GNPAT: variants seen among roughly 807,000 people sequenced by gnomAD.
GNPAT encodes the protein dihydroxyacetone phosphate acyltransferase.
GNPAT carries 30 observed loss-of-function variants against 78.4 expected under a neutral mutation model. That is an observed-to-expected ratio of 0.38 (90% CI 0.29 to 0.52). The LOEUF (loss-of-function observed/expected upper bound fraction) is 0.52, where lower values mean the gene tolerates loss of function less well. Among genes scored for constraint, GNPAT ranks in the 20% least tolerant of loss-of-function variants. The pLI is 0.84. For synonymous variants in GNPAT, 271 were observed against 281.1 expected (o/e 0.96, Z 0.36); for missense variants, 714 against 812.2 (o/e 0.88, Z 1.47).
At position 231,274,004 on chromosome 1, in the gene GNPAT, G is replaced by A. The variant is rs756735677; in HGVS notation, c.1685G>A (p.Gly562Glu). 3.7e-6 allele frequency: 6 copies of A among 1,611,638 alleles called. No individual in the cohort carries two copies. In the Admixed American group the frequency reaches 5.0e-5, roughly 13 times the overall value. ...TTKDILVTEKGNTVLEFLVGL... is the reference protein window; with the variant it reads ...TTKDILVTEKENTVLEFLVGL... ...AAAGACATCCTAGTTACAGAGAAAGGAAATACTGTGTTAGAATTTTTAGTA... is the reference window on the plus strand; with the variant it reads ...AAAGACATCCTAGTTACAGAGAAAGAAAATACTGTGTTAGAATTTTTAGTA... The change falls in exon 12 of 16, where the codon GGA (glycine) becomes GAA (glutamate). Residue 562 changes from glycine (G) to glutamate (E), a missense_variant. Physicochemically the swap from Gly to Glu is moderately conservative, Grantham distance 98 (BLOSUM62 -2). Coordinates refer to ENST00000366647, the MANE Select transcript of GNPAT (RefSeq NM_014236.4).
chr1:231,265,643 T>C, intron 5 of GNPAT, 69 bp from the exon 6 acceptor site: 2 of 1,011,086 alleles, frequency 2.0e-6, no homozygotes, highest in South Asian at 2.6e-5. Flanking sequence ...GGAAAAGGAA[T>C]CAAAAGAAGC....
At chr1:231,243,358 T>C (rs2102794066) in intron 1 of GNPAT, among the ~76,000 whole-genome samples, 1 of 152,316 alleles carries the variant, frequency 6.6e-6, no homozygotes, top group Non-Finnish European at 1.5e-5. Flanking sequence ...ACAGCCTTGC[T>C]CTGTTGCCAG....
Position 231,265,610 on chromosome 1 carries a change from C to T in GNPAT, c.697-102C>T, listed in dbSNP as rs1685359691. The T allele has an allele frequency of 4.4e-6, 4 of 901,224 alleles. No individual in the cohort carries two copies. The South Asian group carries it at 5.4e-5, about 12-fold the overall frequency. The allele number at this position is 901,224 out of a possible 1,614,324, so 55.8% of individuals were successfully genotyped here. A position where few individuals can be genotyped will look rare whatever the true frequency, so the allele number is the denominator to read the frequency against. ...ATTTTCACTGTAAGCTGTGTTTGTT[C>T]AGGAAGCTTGGGAGGGAGCTTGGGA... is the stretch of plus-strand genomic sequence containing the variant. On this transcript the variant is annotated intron_variant, in intron 5 of 15. Transcript: ENST00000366647.
chr1:231,256,483 T>TTTC (rs1392730953), intron 2 of GNPAT, among the ~76,000 whole-genome samples: 1 of 124,726 alleles, frequency 8.0e-6, no homozygotes, highest in Non-Finnish European at 1.6e-5. Flanking sequence ...TTTTCTCTTT[T>TTTC]TTTTTTTTTT....
chr1:231,266,254 C>T (rs769918441), intron 7 of GNPAT, 23 bp from the exon 8 acceptor site: 33 of 1,613,534 alleles, frequency 2.0e-5, no homozygotes, highest in Non-Finnish European at 2.7e-5. Flanking sequence ...CGTTTTCTTC[C>T]CCCCCTGTTA....
chr1:231,247,607 C>G (rs951468299), intron 1 of GNPAT, among the ~76,000 whole-genome samples: 2 of 152,100 alleles, frequency 1.3e-5, no homozygotes, highest in African/African-American at 4.8e-5. Flanking sequence ...TTGTAAATGC[C>G]CCTCTCAATA....
chr1:231,262,690 G>A (rs1164082124), intron 3 of GNPAT, 33 bp from the exon 4 acceptor site: 1 of 1,566,086 alleles, frequency 6.4e-7, no homozygotes, highest in Non-Finnish European at 8.8e-7. Flanking sequence ...CATGACAACT[G>A]AAATTATTCA....
At chr1:231,244,751 CA>C (rs1354981766) in intron 1 of GNPAT, among the ~76,000 whole-genome samples, 1 of 152,140 alleles carries the variant, frequency 6.6e-6, no homozygotes, top group African/African-American at 2.4e-5. Context: ...ATAGATTTTT[CA>C]GCATGTAGGT....
intron 1 of GNPAT, among the ~76,000 whole-genome samples, chr1:231,248,117 C>T (rs1388172523): frequency 1.3e-5 from 2 of 152,074 alleles, no homozygotes; most frequent in East Asian, 1.9e-4. Context: ...TCTGCACAGT[C>T]GAAAATTCAC....
chr1:231,248,075 T>C (rs1054673129), intron 1 of GNPAT, among the ~76,000 whole-genome samples: 1 of 152,174 alleles, frequency 6.6e-6, no homozygotes, highest in Admixed American at 6.5e-5. Flanking sequence ...CAGTTGACCT[T>C]TGAACAACGT....
intron 4 of GNPAT, among the ~76,000 whole-genome samples, chr1:231,263,708 C>G (rs549506789): frequency 9.9e-5 from 15 of 152,248 alleles, no homozygotes; most frequent in African/African-American, 3.6e-4. Context: ...TACATTCCCA[C>G]CAAAAGTGCA....
At chr1:231,268,111 G>A (rs1685442310) in intron 9 of GNPAT, among the ~76,000 whole-genome samples, 1 of 151,990 alleles carries the variant, frequency 6.6e-6, no homozygotes, top group African/African-American at 2.4e-5. Context: ...GACCATCCTG[G>A]CTAACGCGGT....
At chr1:231,247,055 G>A (rs1183720191) in intron 1 of GNPAT, among the ~76,000 whole-genome samples, 1 of 152,090 alleles carries the variant, frequency 6.6e-6, no homozygotes, top group African/African-American at 2.4e-5. Context: ...TGTAGTCCCA[G>A]CCGCTCGGCA....
chr1:231,257,153 C>A (rs1685089322), intron 2 of GNPAT, among the ~76,000 whole-genome samples: 1 of 152,200 alleles, frequency 6.6e-6, no homozygotes, highest in African/African-American at 2.4e-5. Context: ...TCAAGCAAGC[C>A]AGCCTGTTCA....
At position 231,270,870 on chromosome 1, in the gene GNPAT, G is replaced by C. The variant is rs1330415093; in HGVS notation, c.1392G>C (p.Val464=). The C allele has an allele frequency of 6.2e-7, 1 of 1,614,154 alleles. No individual in the cohort carries two copies. The highest frequency in any genetic ancestry group is 8.5e-7 in the Non-Finnish European group (1 of 1,180,014). The change falls in exon 10 of 16, where the codon GTG becomes GTC. Residue 464 remains valine, a synonymous_variant. Coordinates refer to ENST00000366647, the MANE Select transcript of GNPAT (RefSeq NM_014236.4). ...AAGTGGACTCCGGAGACTCGGAAGT[G>C]GTCGATGGGCTTATGCTCCAGCACA... is the stretch of plus-strand genomic sequence containing the variant. ...ILKVDSGDSE[V]VDGLMLQHIT...
chr1:231,255,767 A>C (rs1685037866), intron 2 of GNPAT, among the ~76,000 whole-genome samples: 1 of 151,928 alleles, frequency 6.6e-6, no homozygotes, highest in Non-Finnish European at 1.5e-5. Context: ...GCTTACCATC[A>C]CACCTCCTCA....
chr1:231,277,407 C>A, intron 15 of GNPAT, 92 bp from the exon 16 acceptor site: 1 of 817,340 alleles, frequency 1.2e-6, no homozygotes, highest in Non-Finnish European at 2.2e-6. Flanking sequence ...AAGTCTCCAG[C>A]TTCTCCCCTG....
intron 9 of GNPAT, among the ~76,000 whole-genome samples, chr1:231,268,188 A>C (rs915194456): frequency 3.8e-4 from 58 of 152,120 alleles, no homozygotes; most frequent in Non-Finnish European, 6.5e-4. Flanking sequence ...CTGTAGTCCC[A>C]GCTACTCGGG....
intron 2 of GNPAT, chr1:231,258,165 T>C (rs1412306255): frequency 6.6e-6 from 1 of 152,442 alleles, no homozygotes; most frequent in Non-Finnish European, 1.5e-5. Flanking sequence ...GTTATTAGGA[T>C]TATCTGAGTA....
Sources: gnomAD v4.1 joint callset for allele counts (sites outside exome capture counted in the v4.1 genomes callset) on GRCh38, gnomAD v4.1.1 for gene constraint, MANE v1.5 for transcripts, NCBI Gene and HGNC (gene_info 2026-07-23, HGNC 2026-07-21) for gene names.